The following TNRC6A variants were observed in gnomAD, a reference collection of about 807,000 sequenced individuals.
TNRC6A encodes the protein trinucleotide repeat containing adaptor 6A.
TNRC6A carries 44 observed loss-of-function variants against 221.2 expected under a neutral mutation model. The ratio of observed to expected loss-of-function variants is 0.20; its 90% CI spans 0.16 to 0.26. The LOEUF (loss-of-function observed/expected upper bound fraction) is 0.26. TNRC6A is among the 10% of genes least tolerant of loss of function. The pLI is 1.00. For missense variants in TNRC6A, 2,199 were observed against 2,404.4 expected, an observed-to-expected ratio of 0.91 and a Z score of 1.79; for synonymous variants, 847 against 838.5, an observed-to-expected ratio of 1.01 and a Z score of -0.18.
At chr16:24,786,647 T>G (rs1279739391) in intron 5 of TNRC6A, among the ~76,000 whole-genome samples, 1 of 151,998 alleles carries the variant, frequency 6.6e-6, no homozygotes, top group African/African-American at 2.4e-5. Context: ...TGCACCACAG[T>G]TGTGTGAGAT....
At chr16:24,804,563 A>C in intron 12 of TNRC6A, 142 bp from the exon 13 acceptor site, 2 of 1,319,054 alleles carry the variant, frequency 1.5e-6, no homozygotes, top group Non-Finnish European at 2.1e-6. Context: ...TAGAATTAAC[A>C]CTAATCCGAT....
intron 2 of TNRC6A, among the ~76,000 whole-genome samples, chr16:24,685,135 G>A (rs1488107056): frequency 5.3e-5 from 8 of 152,136 alleles, no homozygotes; most frequent in Non-Finnish European, 1.0e-4. Context: ...TCCACAGGCT[G>A]TGTGATCCTA....
At chr16:24,623,046 C>T (rs1900757075) in intron 1 of TNRC6A, among the ~76,000 whole-genome samples, 1 of 152,154 alleles carries the variant, frequency 6.6e-6, no homozygotes, top group South Asian at 2.1e-4. Context: ...TGACATCATG[C>T]TAACAGAGGA....
chr16:24,730,552 C>T (rs1187556418), intron 2 of TNRC6A, among the ~76,000 whole-genome samples: 5 of 151,108 alleles, frequency 3.3e-5, no homozygotes, highest in African/African-American at 1.2e-4. Context: ...AAAGCATTCT[C>T]ACCCTTTTAG....
At position 24,790,012 on chromosome 16, in the gene TNRC6A, C is replaced by T; in HGVS notation, c.1370C>T (p.Thr457Ile). The T allele has an allele frequency of 6.2e-7, 1 of 1,614,216 alleles. No individual in the cohort carries two copies. The highest frequency in any genetic ancestry group is 8.5e-7 in the Non-Finnish European group (1 of 1,180,054). ...GAAATGACTGGACCAAATAACACTACTAACTTTATGACCTCTAGTTTACCA... is the reference window on the plus strand; with the variant it reads ...GAAATGACTGGACCAAATAACACTATTAACTTTATGACCTCTAGTTTACCA... The part of the protein sequence containing the change: ...TTEMTGPNNT[T>I]NFMTSSLPNS... Residue 457 changes from threonine (T) to isoleucine (I), a missense_variant, in exon 6 of 25, where the codon ACT becomes ATT. Physicochemically the swap from Thr to Ile is moderately conservative, Grantham distance 89 (BLOSUM62 -1). Transcript: ENST00000395799.
chr16:24,642,229 G>A (rs183945352), intron 2 of TNRC6A, among the ~76,000 whole-genome samples: 1 of 152,292 alleles, frequency 6.6e-6, no homozygotes. Context: ...AGTTAAGCAG[G>A]TCATCAGACT....
chr16:24,768,821 A>G (rs1394068571), intron 4 of TNRC6A, among the ~76,000 whole-genome samples: 1 of 152,216 alleles, frequency 6.6e-6, no homozygotes, highest in East Asian at 1.9e-4. Flanking sequence ...TGTGAAAACT[A>G]TTATACAAAG....
At chr16:24,804,500 T>C in intron 12 of TNRC6A, 181 bp downstream of exon 12, 1 of 1,104,622 alleles carries the variant, frequency 9.1e-7, no homozygotes, top group South Asian at 1.8e-5. Flanking sequence ...GAGGTTGCAT[T>C]TATATTTTTC....
upstream of TNRC6A, among the ~76,000 whole-genome samples, chr16:24,727,681 TTA>T (rs1400154223): frequency 1.3e-5 from 2 of 152,244 alleles, no homozygotes; most frequent in African/African-American, 4.8e-5. Context: ...TTTCATTGCC[TTA>T]TGTTGTTGTG....
intron 2 of TNRC6A, among the ~76,000 whole-genome samples, chr16:24,697,726 C>G (rs2055889994): frequency 6.6e-6 from 1 of 151,578 alleles, no homozygotes; most frequent in Admixed American, 6.6e-5. Flanking sequence ...TCAACATCAG[C>G]ATTACCTGGG....
chr16:24,725,433 A>G (rs2056475108), upstream of TNRC6A, among the ~76,000 whole-genome samples: 1 of 152,032 alleles, frequency 6.6e-6, no homozygotes, highest in Admixed American at 6.6e-5. Context: ...TCGGTCTGGC[A>G]GATTTAAAGC....
At chr16:24,663,104 AG>A in intron 2 of TNRC6A, 1 of 153,776 alleles carries the variant, frequency 6.5e-6, no homozygotes, top group East Asian at 1.9e-4. Context: ...TTTACTCCAG[AG>A]GAAGTGAGAA....
chr16:24,651,559 A>ACC (rs1567326221), intron 2 of TNRC6A, among the ~76,000 whole-genome samples: 3 of 140,004 alleles, frequency 2.1e-5, no homozygotes, highest in South Asian at 2.3e-4. Context: ...AAAAAAAAAA[A>ACC]AAAAACATAA....
chr16:24,690,894 G>A (rs1157443920), intron 2 of TNRC6A, among the ~76,000 whole-genome samples: 8 of 149,882 alleles, frequency 5.3e-5, no homozygotes, highest in Admixed American at 2.0e-4. Context: ...TGCAAGCTCC[G>A]CCTCCTGGGT....
intron 2 of TNRC6A, among the ~76,000 whole-genome samples, chr16:24,693,249 GT>G (rs1376412922): frequency 6.0e-5 from 9 of 151,260 alleles, no homozygotes; most frequent in Non-Finnish European, 1.3e-4. Context: ...GAGTCCAGGA[GT>G]TCAAGACCAG....
At chr16:24,795,479 G>C (rs752948852) in intron 8 of TNRC6A, among the ~76,000 whole-genome samples, 2 of 152,078 alleles carry the variant, frequency 1.3e-5, no homozygotes, top group Non-Finnish European at 2.9e-5. Context: ...CAGTCCCCCA[G>C]GTGGTTCTAA....
Position 24,822,163 on chromosome 16 carries a change from A to G in TNRC6A, c.5373+16A>G, listed in dbSNP as rs370097254. 1.6e-5 allele frequency: 25 copies of G among 1,612,286 alleles called. No individual in the cohort carries two copies. Among genetic ancestry groups the G allele is most frequent in the Middle Eastern group, 3.3e-4 (2 of 6,024 alleles). Reference sequence around the variant, plus strand: ...TACACCTCAGGTAAGGATACCAGATACGCTGGTTTATGTGGCTACGCCAGG... The same window carrying G: ...TACACCTCAGGTAAGGATACCAGATGCGCTGGTTTATGTGGCTACGCCAGG... On this transcript the variant is annotated intron_variant, in intron 23 of 24. Transcript: ENST00000395799.
At chr16:24,675,674 C>CTCTCTG (rs2055396412) in intron 2 of TNRC6A, among the ~76,000 whole-genome samples, 1 of 70,538 alleles carries the variant, frequency 1.4e-5, no homozygotes, top group African/African-American at 6.1e-5. Flanking sequence ...CTCTCTCTCT[C>CTCTCTG]TCTCTCTCTC....
At chr16:24,611,569 T>C (rs1404024470) in intron 1 of TNRC6A, among the ~76,000 whole-genome samples, 1 of 152,096 alleles carries the variant, frequency 6.6e-6, no homozygotes, top group Admixed American at 6.5e-5. Flanking sequence ...AAAAATCTAG[T>C]GCTGGATGCG....
Sources: gnomAD v4.1 joint callset for allele counts (sites outside exome capture counted in the v4.1 genomes callset) on GRCh38, gnomAD v4.1.1 for gene constraint, MANE v1.5 for transcripts, NCBI Gene and HGNC (gene_info 2026-07-23, HGNC 2026-07-21) for gene names.